NKAIN2: variants seen among roughly 807,000 people sequenced by gnomAD.
NKAIN2 encodes sodium/potassium-transporting ATPase subunit beta-1-interacting protein 2.
A neutral mutation model predicts 32.6 loss-of-function variants in NKAIN2; 14 were observed. That is an observed-to-expected ratio of 0.43 (90% CI 0.28 to 0.67). The LOEUF is 0.67. Among genes scored for constraint, NKAIN2 ranks in the 30% least tolerant of loss-of-function variants. NKAIN2 has a pLI of 0.17. For missense variants in NKAIN2, 198 were observed against 258.3 expected (o/e 0.77, Z 1.60); for synonymous variants, 80 against 87.2 (o/e 0.92, Z 0.46).
At chr6:124,539,713 TG>T (rs1447176995) in intron 3 of NKAIN2, among the ~76,000 whole-genome samples, 2 of 152,170 alleles carry the variant, frequency 1.3e-5, no homozygotes, top group African/African-American at 4.8e-5. Context: ...ATATATTTTT[TG>T]TTTGTTCATT....
chr6:124,479,144 T>C (rs540771312), intron 3 of NKAIN2, among the ~76,000 whole-genome samples: 7 of 152,224 alleles, frequency 4.6e-5, no homozygotes, highest in Non-Finnish European at 1.0e-4. Flanking sequence ...GAAATTATCA[T>C]AGTTTAGAGG....
chr6:124,808,747 C>G (rs1227537276), intron 5 of NKAIN2, among the ~76,000 whole-genome samples: 1 of 152,098 alleles, frequency 6.6e-6, no homozygotes, highest in Non-Finnish European at 1.5e-5. Context: ...TTGTCTCTGC[C>G]CAAACTCTCC....
chr6:124,038,466 G>C (rs1781708348), intron 1 of NKAIN2, among the ~76,000 whole-genome samples: 1 of 152,016 alleles, frequency 6.6e-6, no homozygotes, highest in Non-Finnish European at 1.5e-5. Context: ...ACCTGCCTCA[G>C]CCTCCCAAAG....
intron 3 of NKAIN2, among the ~76,000 whole-genome samples, chr6:124,535,689 A>G (rs1406919207): frequency 2.0e-5 from 3 of 152,208 alleles, no homozygotes; most frequent in Non-Finnish European, 4.4e-5. Flanking sequence ...AAGTACAATG[A>G]TAGCACCAGT....
At chr6:123,942,113 C>G (rs1056059361) in intron 1 of NKAIN2, among the ~76,000 whole-genome samples, 1 of 151,832 alleles carries the variant, frequency 6.6e-6, no homozygotes, top group African/African-American at 2.4e-5. Flanking sequence ...GCTGATGAGT[C>G]CTAAGAACAG....
intron 1 of NKAIN2, among the ~76,000 whole-genome samples, chr6:124,079,857 T>C (rs1487508151): frequency 6.6e-6 from 1 of 151,294 alleles, no homozygotes; most frequent in Non-Finnish European, 1.5e-5. Flanking sequence ...GCCTTTCTTG[T>C]GTCACTGAGC....
At position 124,643,286 on chromosome 6, in the gene NKAIN2, C is replaced by T. The variant is rs186934503; in HGVS notation, c.274-14900C>T. Among the ~76,000 whole-genome samples the T allele has an allele frequency of 1.1e-4, 17 of 152,238 alleles. No individual in the cohort carries two copies. In the East Asian group the frequency reaches 2.5e-3, roughly 22 times the overall value. On this transcript the variant is annotated intron_variant, in intron 3 of 6. Coordinates refer to ENST00000368417, the MANE Select transcript of NKAIN2 (RefSeq NM_001040214.3). ...TACTACTACTAACAAAATCCCATCT[C>T]ATAAGTATAAGGCTACATATTGCTA...
intron 3 of NKAIN2, among the ~76,000 whole-genome samples, chr6:124,378,184 TGC>T (rs1800073450): frequency 6.6e-6 from 1 of 152,196 alleles, no homozygotes. Context: ...CACTTTGGGC[TGC>T]ACTTTTACTA....
At position 124,095,078 on chromosome 6, in the gene NKAIN2, C is replaced by T. The variant is rs1033787068; in HGVS notation, c.55-187927C>T. Among the ~76,000 whole-genome samples, 7 of 151,960 alleles carry T rather than the reference C, an allele frequency of 4.6e-5. 1 individual carries two copies. Among genetic ancestry groups the T allele is most frequent in the Non-Finnish European group, 1.0e-4 (7 of 67,956 alleles). ...AAATGTGGTGAAGAATTTAGAAATT[C>T]TTCTTCAAAAGTAGTCTCTGATGAT... On this transcript the variant is annotated intron_variant, in intron 1 of 6. Transcript: ENST00000368417.
At chr6:124,758,647 T>G (rs1461367287) in intron 4 of NKAIN2, among the ~76,000 whole-genome samples, 2 of 152,272 alleles carry the variant, frequency 1.3e-5, no homozygotes, top group East Asian at 3.9e-4. Flanking sequence ...GATTAATCTC[T>G]CTGTCTCCTA....
At chr6:124,133,230 T>A (rs1470122108) in intron 1 of NKAIN2, among the ~76,000 whole-genome samples, 1 of 152,170 alleles carries the variant, frequency 6.6e-6, no homozygotes, top group African/African-American at 2.4e-5. Flanking sequence ...ACCTTCCAGA[T>A]TCAGGCCTGC....
At chr6:123,850,873 G>C (rs1775312485) in intron 1 of NKAIN2, among the ~76,000 whole-genome samples, 1 of 152,052 alleles carries the variant, frequency 6.6e-6, no homozygotes, top group South Asian at 2.1e-4. Context: ...CATCTCCTGA[G>C]CCACTGGTAA....
intron 3 of NKAIN2, among the ~76,000 whole-genome samples, chr6:124,421,560 A>G (rs1774751621): frequency 6.6e-6 from 1 of 152,190 alleles, no homozygotes; most frequent in African/African-American, 2.4e-5. Flanking sequence ...GTTCTACAGT[A>G]AATAAGTCAC....
At chr6:123,950,263 G>T (rs1777264215) in intron 1 of NKAIN2, among the ~76,000 whole-genome samples, 1 of 151,796 alleles carries the variant, frequency 6.6e-6, no homozygotes, top group Non-Finnish European at 1.5e-5. Context: ...TTGTGTGTGT[G>T]TGCGTGTGTG....
chr6:124,691,434 G>T (rs1008037033), intron 4 of NKAIN2, among the ~76,000 whole-genome samples: 3 of 152,064 alleles, frequency 2.0e-5, no homozygotes, highest in Admixed American at 6.6e-5. Flanking sequence ...TGTCACTACT[G>T]TACAAAATTC....
intron 1 of NKAIN2, among the ~76,000 whole-genome samples, chr6:124,264,519 T>C (rs1794398570): frequency 6.6e-6 from 1 of 152,128 alleles, no homozygotes; most frequent in Admixed American, 6.5e-5. Context: ...ATAGAAAAAA[T>C]CTATAGTTGG....
intron 1 of NKAIN2, among the ~76,000 whole-genome samples, chr6:124,257,677 C>T (rs1000774982): frequency 6.6e-6 from 1 of 152,076 alleles, no homozygotes. Context: ...TTTGCACTTG[C>T]ATTCCTGTTT....
chr6:123,919,952 T>C (rs1048119855), intron 1 of NKAIN2, among the ~76,000 whole-genome samples: 5 of 152,114 alleles, frequency 3.3e-5, no homozygotes, highest in Non-Finnish European at 7.4e-5. Flanking sequence ...TATTCAGTTA[T>C]GCATTTTTCA....
chr6:123,918,957 T>C (rs11154197), intron 1 of NKAIN2, among the ~76,000 whole-genome samples: 55,455 of 151,906 alleles, frequency 0.37, 10,581 homozygotes, highest in East Asian at 0.64. Flanking sequence ...GAAATTCTGC[T>C]AGCTGACTGA....
Sources: gnomAD v4.1 joint callset for allele counts (sites outside exome capture counted in the v4.1 genomes callset) on GRCh38, gnomAD v4.1.1 for gene constraint, MANE v1.5 for transcripts, NCBI Gene and HGNC (gene_info 2026-07-23, HGNC 2026-07-21) for gene names.